The following POF1B variants were observed in gnomAD, a reference collection of about 807,000 sequenced individuals.
POF1B encodes the protein protein POF1B.
Under a neutral mutation model 55.3 loss-of-function variants are expected in POF1B, and 53 were observed. The observed-to-expected ratio is 0.96, with a 90% CI of 0.77 to 1.20. The LOEUF is 1.20. Ranked by LOEUF, POF1B falls within the 50% of genes most tolerant of loss-of-function variation. The pLI, the probability that POF1B is intolerant of heterozygous loss-of-function variation, is 0.00. For synonymous variants in POF1B, 188 were observed against 148.3 expected, an observed-to-expected ratio of 1.27 and a Z score of -1.95; for missense variants, 478 against 420.5, an observed-to-expected ratio of 1.14 and a Z score of -1.20.
At position 85,279,435 on chromosome X, in the gene POF1B, GA is replaced by G. The variant is rs373475107; in HGVS notation, c.1765-10del. On this transcript the variant is annotated splice_polypyrimidine_tract_variant and intron_variant, in intron 16 of 16. Transcript: ENST00000262753. ...AGTGGATCCATTCATGGCTAGAAAAGAAAAAAAAAGGTTATCTTACAACTGG... is the reference window on the plus strand; with the variant it reads ...AGTGGATCCATTCATGGCTAGAAAAGAAAAAAAAGGTTATCTTACAACTGG... 6.0e-5 allele frequency: 69 copies of G among 1,156,193 alleles called. No homozygotes were observed. Among genetic ancestry groups the G allele is most frequent in the South Asian group, 3.7e-4 (19 of 51,902 alleles).
chrX:85,348,140 C>G (rs1264793777), intron 5 of POF1B, among the ~76,000 whole-genome samples: 2 of 111,176 alleles, frequency 1.8e-5, no homozygotes, highest in Non-Finnish European at 3.8e-5. Flanking sequence ...CACTGACATT[C>G]CCATAATCTG....
chrX:85,368,363 G>A (rs1933765065), intron 2 of POF1B, among the ~76,000 whole-genome samples: 1 of 110,625 alleles, frequency 9.0e-6, no homozygotes, highest in Admixed American at 9.7e-5. Flanking sequence ...GCCTGTATCA[G>A]AACATCTTAT....
chrX:85,296,205 C>G (rs1030887201), intron 15 of POF1B, among the ~76,000 whole-genome samples: 13 of 111,519 alleles, frequency 1.2e-4, no homozygotes, highest in African/African-American at 4.2e-4. Context: ...CACTCTATGT[C>G]TTTTAAGTGG....
chrX:85,378,148 T>G (rs1415013719), intron 2 of POF1B, among the ~76,000 whole-genome samples: 1 of 111,593 alleles, frequency 9.0e-6, no homozygotes, highest in Non-Finnish European at 1.9e-5. Context: ...AAGTGGAGTT[T>G]TTCTCAACCA....
rs183791012 is a variant in POF1B, at chrX:85,280,986, C to T, written c.1764+1217G>A. On this transcript the variant is annotated intron_variant, in intron 16 of 16. Transcript: ENST00000262753. ...TCTAACCACTAGATGCCAATAACAC[C>T]CACCCCTCTGGTTGTGAAAACCAAA... Among the ~76,000 whole-genome samples, 45 of 110,344 alleles carry T rather than the reference C, an allele frequency of 4.1e-4. No homozygotes were observed. The Admixed American group carries it at 4.4e-3, about 11-fold the overall frequency.
chrX:85,326,920 C>T (rs368393058), intron 7 of POF1B, among the ~76,000 whole-genome samples: 2 of 110,414 alleles, frequency 1.8e-5, no homozygotes, highest in African/African-American at 3.3e-5. Context: ...AGTCTGGGGC[C>T]GCGGGAGAAG....
In POF1B at chrX:85,279,446, G is replaced by A; in HGVS notation, c.1765-20C>T. The A allele has an allele frequency of 8.5e-7, 1 of 1,174,533 alleles. No homozygotes were observed. ...TCATGGCTAGAAAAGAAAAAAAAAG[G>A]TTATCTTACAACTGGTTCATAATTA... On this transcript the variant is annotated intron_variant, in intron 16 of 16. Transcript: ENST00000262753.
chrX:85,289,973 C>T (rs756992003), intron 15 of POF1B, among the ~76,000 whole-genome samples: 1 of 111,674 alleles, frequency 9.0e-6, no homozygotes, highest in South Asian at 3.8e-4. Flanking sequence ...TATTTTTCAA[C>T]TTAAATTTCA....
chrX:85,285,711 T>C (rs1932037051), intron 15 of POF1B, among the ~76,000 whole-genome samples: 1 of 107,374 alleles, frequency 9.3e-6, no homozygotes, highest in African/African-American at 3.4e-5. Flanking sequence ...AATGATGAGT[T>C]AATGGGTGCA....
chrX:85,291,433 C>T (rs1932185186), intron 15 of POF1B, among the ~76,000 whole-genome samples: 1 of 111,679 alleles, frequency 9.0e-6, no homozygotes, highest in Non-Finnish European at 1.9e-5. Flanking sequence ...TTTTTCGTTC[C>T]ATATGATTTT....
At chrX:85,352,935 T>G (rs1933418041) in intron 4 of POF1B, among the ~76,000 whole-genome samples, 1 of 111,636 alleles carries the variant, frequency 9.0e-6, no homozygotes. Context: ...AGAACCTATG[T>G]GGCCAGCAAA....
intron 6 of POF1B, among the ~76,000 whole-genome samples, chrX:85,334,714 A>G (rs752503312): frequency 1.2e-3 from 137 of 111,583 alleles, no homozygotes; most frequent in South Asian, 1.5e-3. Flanking sequence ...ATTTCTAAAG[A>G]GAAATTACAG....
chrX:85,307,100 C>T, intron 11 of POF1B, 63 bp downstream of exon 11: 1 of 833,915 alleles, frequency 1.2e-6, no homozygotes, highest in Non-Finnish European at 1.7e-6. Context: ...CTCCAATGTG[C>T]CAGTAATTGT....
intron 2 of POF1B, among the ~76,000 whole-genome samples, chrX:85,375,817 A>G: frequency 8.9e-6 from 1 of 111,788 alleles, no homozygotes; most frequent in Non-Finnish European, 1.9e-5. Context: ...GTAAACACAC[A>G]TTTTCCCCCA....
intron 7 of POF1B, among the ~76,000 whole-genome samples, chrX:85,324,747 T>C (rs1403469879): frequency 2.7e-5 from 3 of 111,575 alleles, no homozygotes; most frequent in Non-Finnish European, 3.8e-5. Context: ...TGTTGTTAGC[T>C]GAGTATTATG....
At chrX:85,304,592 T>A (rs1932530357) in intron 13 of POF1B, 121 bp from the exon 14 acceptor site, 1 of 343,054 alleles carries the variant, frequency 2.9e-6, no homozygotes, top group South Asian at 1.3e-4. Flanking sequence ...AAAATACCAA[T>A]AGTCATAAAC....
At chrX:85,343,964 C>T (rs985968688) in intron 6 of POF1B, among the ~76,000 whole-genome samples, 2 of 111,134 alleles carry the variant, frequency 1.8e-5, no homozygotes, top group Admixed American at 9.6e-5. Context: ...CTTTGAAACT[C>T]GGTTACCTTA....
At position 85,279,135 on chromosome X, in the gene POF1B, A is replaced by T. The variant is rs1213809271; in HGVS notation, c.*286T>A. On this transcript the variant is annotated 3_prime_UTR_variant, in exon 17 of 17. Coordinates refer to ENST00000262753, the MANE Select transcript of POF1B (RefSeq NM_024921.4). ...TACCTTATCTGAAACATAATGAGTT[A>T]TGTTCTACAGTGTCTGCAATCAAAC... is the stretch of plus-strand genomic sequence containing the variant. The T allele has an allele frequency of 4.2e-6, 1 of 239,397 alleles. No individual in the cohort carries two copies. Among genetic ancestry groups the T allele is most frequent in the East Asian group, 6.1e-5 (1 of 16,296 alleles). The allele number at this position is 239,397 out of a possible 1,213,427, so 19.7% of individuals were successfully genotyped here. A position where few individuals can be genotyped will look rare whatever the true frequency, so the allele number is the denominator to read the frequency against.
At chrX:85,315,661 C>A (rs1383175511) in intron 8 of POF1B, 46 bp downstream of exon 8, 3 of 1,038,244 alleles carry the variant, frequency 2.9e-6, no homozygotes, top group African/African-American at 3.9e-5. Flanking sequence ...TCAGAATCTA[C>A]TTTGTTATTA....
Sources: gnomAD v4.1 joint callset for allele counts (sites outside exome capture counted in the v4.1 genomes callset) on GRCh38, gnomAD v4.1.1 for gene constraint, MANE v1.5 for transcripts, NCBI Gene and HGNC (gene_info 2026-07-23, HGNC 2026-07-21) for gene names.